SLC2A6: variants seen among roughly 807,000 people sequenced by gnomAD.
The protein encoded by SLC2A6 is solute carrier family 2, facilitated glucose transporter member 6.
Under a neutral mutation model 47.8 loss-of-function variants are expected in SLC2A6, and 39 were observed. The ratio of observed to expected loss-of-function variants is 0.82; its 90% CI spans 0.63 to 1.07. SLC2A6 has a LOEUF of 1.07. Ranked by LOEUF, SLC2A6 falls within the 50% of genes least tolerant of loss-of-function variation. The pLI is 0.00. For synonymous variants in SLC2A6, 346 were observed against 324.1 expected (o/e 1.07, Z -0.73); for missense variants, 650 against 707.6 (o/e 0.92, Z 0.92).
At chr9:133,473,871 T>C (rs1011329091) in intron 7 of SLC2A6, 109 bp downstream of exon 7, 1 of 924,798 alleles carries the variant, frequency 1.1e-6, no homozygotes, top group Admixed American at 2.9e-5. Flanking sequence ...AGGCAGGTGC[T>C]CTGCAGTTCC....
chr9:133,477,731 G>A (rs901423434), intron 2 of SLC2A6, among the ~76,000 whole-genome samples: 11 of 152,184 alleles, frequency 7.2e-5, no homozygotes, highest in Admixed American at 3.3e-4. Context: ...ATCAATGAAC[G>A]TTCAGTGCCC....
chr9:133,478,876 G>T, intron 1 of SLC2A6, 92 bp downstream of exon 1: 1 of 1,186,338 alleles, frequency 8.4e-7, no homozygotes, highest in South Asian at 1.4e-5. Flanking sequence ...GACTAGGTCA[G>T]GGGAGGCCCA....
chr9:133,475,201 G>A, intron 5 of SLC2A6, 88 bp from the exon 6 acceptor site: 1 of 1,428,532 alleles, frequency 7.0e-7, no homozygotes, highest in Non-Finnish European at 9.2e-7. Context: ...TTGTGTGGGA[G>A]ACCTCCTTTT....
Position 133,474,073 on chromosome 9 carries a change from C to T in SLC2A6, c.943G>A (p.Ala315Thr), listed in dbSNP as rs781998635. ...AGCCGCACGGCCCCAACGATGGCTGCGTCGTCCTTGGGGGGCTATCGGGGG... is the reference window on the plus strand; with the variant it reads ...AGCCGCACGGCCCCAACGATGGCTGTGTCGTCCTTGGGGGGCTATCGGGGG... ...TAVLLPPKDD[A>T]AIVGAVRLLS... The change falls in exon 7 of 10, where the codon GCA becomes ACA. Residue 315 changes from alanine (A) to threonine (T), a missense_variant. Ala to Thr is a moderately conservative substitution (Grantham distance 58). Coordinates refer to ENST00000371899, the MANE Select transcript of SLC2A6 (RefSeq NM_017585.4). 2 of 1,606,410 alleles carry T rather than the reference C, an allele frequency of 1.2e-6. No individual in the cohort carries two copies. Among genetic ancestry groups the T allele is most frequent in the Non-Finnish European group, 1.7e-6 (2 of 1,177,566 alleles).
Position 133,473,251 on chromosome 9 carries a change from C to G in SLC2A6, c.1223-1G>C. 2 of 1,570,562 alleles carry G rather than the reference C, an allele frequency of 1.3e-6. No individual in the cohort carries two copies. The highest frequency in any genetic ancestry group is 1.7e-6 in the Non-Finnish European group (2 of 1,158,626). ...ATGGGACCCCAGCCCACGGCGTAGCCTGCTCGGAGGAGGAGGCAGGTTCAG... is the reference window on the plus strand; with the variant it reads ...ATGGGACCCCAGCCCACGGCGTAGCGTGCTCGGAGGAGGAGGCAGGTTCAG... On this transcript the variant is annotated splice_acceptor_variant, in intron 8 of 9. Transcript: ENST00000371899. LOFTEE classifies it high-confidence loss of function.
Position 133,479,008 on chromosome 9 carries a change from C to A in SLC2A6, c.52G>T (p.Glu18Ter). 2.5e-6 allele frequency: 4 copies of A among 1,599,390 alleles called. No homozygotes were observed. The highest frequency in any genetic ancestry group is 3.4e-6 in the Non-Finnish European group (4 of 1,176,054). ...AEGPDYDTFP[E>*]KPPPSPGDRA... ...TCCCCTGGCGACGGGGGCGGCTTCT[C>A]GGGGAAGGTGTCGTAGTCCGGGCCC... The change falls in exon 1 of 10, where the codon GAG becomes TAG. Residue 18 changes from glutamate (E) to a stop codon, truncating the protein, a stop_gained. Coordinates refer to ENST00000371899, the MANE Select transcript of SLC2A6 (RefSeq NM_017585.4). LOFTEE classifies it high-confidence loss of function.
chr9:133,472,310 G>T, intron 9 of SLC2A6, 134 bp from the exon 10 acceptor site: 1 of 1,004,866 alleles, frequency 1.0e-6, no homozygotes, highest in Non-Finnish European at 1.4e-6. Flanking sequence ...TTCAGAGACC[G>T]CCCCCCCACA....
chr9:133,472,020 C>G lies in SLC2A6; in HGVS notation c.*1G>C, dbSNP rs1299573168. The G allele has an allele frequency of 3.1e-6, 5 of 1,611,838 alleles. No homozygotes were observed. Among genetic ancestry groups the G allele is most frequent in the Middle Eastern group, 1.6e-4 (1 of 6,064 alleles). ...GGCCCCCTCCAGGCGGGGACCTTGA[C>G]CTAGCGCAAGAAGGACCTTCTCCCC... On this transcript the variant is annotated 3_prime_UTR_variant, in exon 10 of 10. Coordinates refer to ENST00000371899, the MANE Select transcript of SLC2A6 (RefSeq NM_017585.4).
At chr9:133,476,617 G>C (rs781785145) in intron 3 of SLC2A6, among the ~76,000 whole-genome samples, 1 of 152,206 alleles carries the variant, frequency 6.6e-6, no homozygotes, top group Non-Finnish European at 1.5e-5. Flanking sequence ...CTTCAGGGCT[G>C]AGCAGGTGAG....
chr9:133,472,757 G>A (rs1218618364), intron 9 of SLC2A6, among the ~76,000 whole-genome samples: 2 of 152,144 alleles, frequency 1.3e-5, no homozygotes, highest in African/African-American at 4.8e-5. Flanking sequence ...GAGTGTGGCT[G>A]CTGCTGAGAC....
intron 3 of SLC2A6, 175 bp from the exon 4 acceptor site, chr9:133,476,511 C>G (rs985793094): frequency 4.8e-6 from 3 of 618,562 alleles, no homozygotes; most frequent in South Asian, 1.9e-5. Flanking sequence ...CCTGATCTCT[C>G]TCTGTCCTCA....
At chr9:133,474,345 G>A (rs1422954913) in intron 6 of SLC2A6, among the ~76,000 whole-genome samples, 3 of 152,356 alleles carry the variant, frequency 2.0e-5, no homozygotes, top group African/African-American at 4.8e-5. Context: ...TTGCTGAACC[G>A]TGCTGTTACT....
intron 9 of SLC2A6, among the ~76,000 whole-genome samples, 153 bp downstream of exon 9, chr9:133,472,952 G>C (rs1410686656): frequency 6.6e-6 from 1 of 152,156 alleles, no homozygotes; most frequent in Non-Finnish European, 1.5e-5. Context: ...GACCACTCTG[G>C]GGTCTCTGAG....
chr9:133,475,946 C>T (rs1388089770), intron 4 of SLC2A6, among the ~76,000 whole-genome samples: 1 of 152,270 alleles, frequency 6.6e-6, no homozygotes, highest in African/African-American at 2.4e-5. Context: ...GACTTCCCAT[C>T]TGAGATGGCA....
chr9:133,476,404 A>G (rs1843955325), intron 3 of SLC2A6, 68 bp from the exon 4 acceptor site: 5 of 1,382,118 alleles, frequency 3.6e-6, no homozygotes, highest in African/African-American at 1.4e-5. Context: ...CCGAGATGGG[A>G]GAGTCAGCCC....
At chr9:133,476,955 G>T in intron 3 of SLC2A6, 80 bp downstream of exon 3, 1 of 1,429,232 alleles carries the variant, frequency 7.0e-7, no homozygotes, top group Non-Finnish European at 9.5e-7. Context: ...AGGCATGGAG[G>T]CTGGGAGGCC....
Position 133,475,107 on chromosome 9 carries a change from G to T in SLC2A6, c.781C>A (p.Arg261=). ...GCCCGTGCCTCAGCCCACGATACTC[G>T]GCTGCTCTGAAACACAAGGCCGCCG... ...IQDNVRRQSS[R]VSWAEARAPH... The change falls in exon 6 of 10, where the codon CGA becomes AGA. Residue 261 remains arginine (R), a synonymous_variant. Coordinates refer to ENST00000371899, the MANE Select transcript of SLC2A6 (RefSeq NM_017585.4). 1 of 1,561,600 alleles carries T rather than the reference G, an allele frequency of 6.4e-7. No homozygotes were observed. The highest frequency in any genetic ancestry group is 8.7e-7 in the Non-Finnish European group (1 of 1,155,260).
In SLC2A6 at chr9:133,474,006, C is replaced by T. The variant is rs1554802487; in HGVS notation, c.1010G>A (p.Gly337Asp). Residue 337 changes from glycine to aspartate, a missense_variant, in exon 7 of 10, where the codon GGC becomes GAC. Physicochemically the swap from Gly to Asp is moderately conservative, Grantham distance 94 (BLOSUM62 -1). Coordinates refer to ENST00000371899, the MANE Select transcript of SLC2A6 (RefSeq NM_017585.4). Reference protein sequence around the residue: ...LIAALTMDLAGRKVLLFVSAA... With the variant: ...LIAALTMDLADRKVLLFVSAA... ...TGAGACGAAGAGCAGCACCTTGCGG[C>T]CTGCGAGGTCCATGGTGAGGGCGGC... 1.9e-6 allele frequency: 3 copies of T among 1,610,380 alleles called. No individual in the cohort carries two copies. The highest frequency in any genetic ancestry group is 2.2e-5 in the South Asian group (2 of 90,648).
At chr9:133,476,105 G>A (rs984934566) in intron 4 of SLC2A6, 132 bp downstream of exon 4, 10 of 711,620 alleles carry the variant, frequency 1.4e-5, no homozygotes, top group Admixed American at 2.7e-5. Flanking sequence ...GAGTGGGGCC[G>A]GGATGCCAGA....
Sources: allele counts gnomAD v4.1 joint callset (sites outside exome capture counted in the v4.1 genomes callset), GRCh38; gene constraint gnomAD v4.1.1; transcripts MANE v1.5; gene names NCBI Gene and HGNC (gene_info 2026-07-23, HGNC 2026-07-21).